The following PCDH1 variants were observed in gnomAD, a reference collection of about 807,000 sequenced individuals.
PCDH1 encodes the protein protocadherin-1.
Under a neutral mutation model 74.6 loss-of-function variants are expected in PCDH1, and 23 were observed. The observed-to-expected ratio is 0.31, with a 90% confidence interval of 0.22 to 0.44. The LOEUF is 0.44. Among genes scored for constraint, PCDH1 ranks in the 20% least tolerant of loss-of-function variants. The probability of loss-of-function intolerance (pLI) is 1.00; values close to 1 mark genes in which losing one functional copy is unlikely to be tolerated. For synonymous variants in PCDH1, 647 were observed against 686.1 expected (o/e 0.94, Z 0.89); for missense variants, 1,214 against 1,641.4 (o/e 0.74, Z 4.50).
intron 2 of PCDH1, chr5:141,867,470 C>A: frequency 2.4e-6 from 1 of 415,210 alleles, no homozygotes; most frequent in Admixed American, 3.1e-5. Flanking sequence ...TAATACTTAC[C>A]TTGTACTGTA....
At chr5:141,877,168 T>C (rs1753262718) in intron 1 of PCDH1, among the ~76,000 whole-genome samples, 1 of 151,850 alleles carries the variant, frequency 6.6e-6, no homozygotes, top group South Asian at 2.1e-4. Flanking sequence ...AGTGTGTGTG[T>C]TTGTGTGTAT....
At position 141,854,003 on chromosome 5, in the gene PCDH1, G is replaced by A. The variant is rs748500950; in HGVS notation, c.*39C>T. ...GGAATGGGCCATTTGGGAGCTGGCCGGCGGCTGGGGGAGGGGGGCCGGCCG... is the reference window on the plus strand; with the variant it reads ...GGAATGGGCCATTTGGGAGCTGGCCAGCGGCTGGGGGAGGGGGGCCGGCCG... On this transcript the variant is annotated 3_prime_UTR_variant, in exon 5 of 5. Transcript: ENST00000287008. The A allele has an allele frequency of 2.3e-5, 34 of 1,463,528 alleles. 2 individuals are homozygous for A. The South Asian group carries it at 2.6e-4, about 11-fold the overall frequency. The allele number at this position is 1,463,528 out of a possible 1,614,324, so 90.7% of individuals were successfully genotyped here.
chr5:141,854,066 C>T lies in PCDH1; in HGVS notation c.3690G>A (p.Thr1230=), dbSNP rs372214064. Residue 1230 remains threonine (T), a synonymous_variant, in exon 5 of 5, where the codon ACG becomes ACA. Transcript: ENST00000287008. The part of the protein sequence containing the change: ...PPAATPASAQ[T]AKREIYL ...CTCACAGGTAGATCTCGCGCTTGGC[C>T]GTCTGGGCAGATGCCGGTGTGGCTG... 2.0e-6 allele frequency: 3 copies of T among 1,526,944 alleles called. No homozygotes were observed. The highest frequency in any genetic ancestry group is 2.3e-5 in the East Asian group (1 of 43,962). The allele number at this position is 1,526,944 out of a possible 1,614,324, so 94.6% of individuals were successfully genotyped here.
intron 2 of PCDH1, chr5:141,866,137 A>C: frequency 1.0e-6 from 1 of 985,508 alleles, no homozygotes; most frequent in East Asian, 1.1e-4. Context: ...GTTGTGGGTC[A>C]GAGAAGCCCT....
At position 141,853,305 on chromosome 5, in the gene PCDH1, G is replaced by C. The variant is rs1194144978; in HGVS notation, c.*737C>G. Reference sequence around the variant, plus strand: ...GCAGGGAGGAGGGGGCACAGGGCAGGTCCCCCCCCAGAGGGGTCCCCCAAG... The same window carrying C: ...GCAGGGAGGAGGGGGCACAGGGCAGCTCCCCCCCCAGAGGGGTCCCCCAAG... On this transcript the variant is annotated 3_prime_UTR_variant, in exon 5 of 5. Transcript: ENST00000287008. 1 of 152,342 alleles carries C rather than the reference G, an allele frequency of 6.6e-6. No homozygotes were observed. The highest frequency in any genetic ancestry group is 2.4e-5 in the African/African-American group (1 of 41,332). 9.4% of individuals were successfully genotyped at this position (152,342 alleles called of 1,614,324 possible).
At chr5:141,855,433 G>A (rs545827147) in intron 4 of PCDH1, among the ~76,000 whole-genome samples, 1 of 152,090 alleles carries the variant, frequency 6.6e-6, no homozygotes, top group African/African-American at 2.4e-5. Context: ...AGGTGGGGTT[G>A]AGGAAACCTC....
chr5:141,864,877 G>T lies in PCDH1; in HGVS notation c.1454C>A (p.Pro485Gln), dbSNP rs752195982. The change falls in exon 3 of 5, where the codon CCA (proline) becomes CAA (glutamine). Residue 485 changes from proline (P) to glutamine (Q), a missense_variant. This residue lies in a region of PCDH1 where 836 missense variants were observed against 1,182.2 expected (regional missense o/e 0.71). Transcript: ENST00000287008. This position sits in a 1 kb window ranked among gnomAD's most constrained non-coding sequence, Gnocchi z 5.9. ...CTTGAGGGAGTTAGTGCTGGAGAGT[G>T]GGGGGTTGCCAGAGTCCACAGCCAC... ...EIVAVDSGNP[P>Q]LSSTNSLKVQ... The T allele has an allele frequency of 6.2e-7, 1 of 1,614,144 alleles. No homozygotes were observed. Among genetic ancestry groups the T allele is most frequent in the Non-Finnish European group, 8.5e-7 (1 of 1,179,996 alleles).
chr5:141,878,343 C>T lies in PCDH1; in HGVS notation c.-81G>A. The stretch of plus-strand genomic sequence containing the variant: ...GCAGTTCGGGCTCCGGCTCCGGCTC[C>T]GGCTGGCTCTGGGCGCAGCAGCCCG... On this transcript the variant is annotated 5_prime_UTR_variant, in exon 1 of 5. Transcript: ENST00000287008. This position sits in a 1 kb window ranked among gnomAD's most constrained non-coding sequence, Gnocchi z 5.5. The T allele has an allele frequency of 1.9e-6, 2 of 1,078,070 alleles. No homozygotes were observed. The highest frequency in any genetic ancestry group is 2.3e-6 in the Non-Finnish European group (2 of 863,102). 66.8% of individuals were successfully genotyped at this position (1,078,070 alleles called of 1,614,324 possible).
chr5:141,876,314 T>A (rs931574728), intron 1 of PCDH1, among the ~76,000 whole-genome samples: 1 of 151,976 alleles, frequency 6.6e-6, no homozygotes. Context: ...CCGCGGGGAA[T>A]CCCTCCTCCC....
intron 3 of PCDH1, among the ~76,000 whole-genome samples, chr5:141,859,482 A>T (rs1752485419): frequency 6.6e-6 from 1 of 152,190 alleles, no homozygotes; most frequent in Non-Finnish European, 1.5e-5. Flanking sequence ...ACACTTGCTG[A>T]TTATTTCCAG....
In PCDH1 at chr5:141,864,210, G is replaced by A. The variant is rs758651551; in HGVS notation, c.2121C>T (p.Asp707=). The part of the protein sequence containing the change: ...AYVGVTINVL[D]ENDNAPYITA... ...TGATATAGGGTGCGTTGTCATTCTC[G>A]TCCAGCACATTGATGGTGACACCAA... Residue 707 remains aspartate, a synonymous_variant, in exon 3 of 5, where the codon GAC becomes GAT. Coordinates refer to ENST00000287008, the MANE Select transcript of PCDH1 (RefSeq NM_032420.5). The surrounding 1 kb of genome is among the most constrained non-coding windows in gnomAD (Gnocchi z 5.9). The A allele has an allele frequency of 5.6e-5, 90 of 1,606,848 alleles. No individual in the cohort carries two copies. The highest frequency in any genetic ancestry group is 7.1e-5 in the Non-Finnish European group (83 of 1,174,374).
chr5:141,870,934 C>T (rs1020304415), intron 1 of PCDH1, among the ~76,000 whole-genome samples: 1 of 152,166 alleles, frequency 6.6e-6, no homozygotes, highest in Non-Finnish European at 1.5e-5. Flanking sequence ...ACATCAATCC[C>T]ACTGAGGGCA....
At position 141,865,098 on chromosome 5, in the gene PCDH1, C is replaced by T. The variant is rs758884113; in HGVS notation, c.1233G>A (p.Glu411=). The T allele has an allele frequency of 1.2e-6, 2 of 1,614,210 alleles. No homozygotes were observed. Among genetic ancestry groups the T allele is most frequent in the Non-Finnish European group, 1.7e-6 (2 of 1,180,030 alleles). Residue 411 remains glutamate, a synonymous_variant, in exon 3 of 5, where the codon GAG becomes GAA. Coordinates refer to ENST00000287008, the MANE Select transcript of PCDH1 (RefSeq NM_032420.5). The surrounding 1 kb of genome is among the most constrained non-coding windows in gnomAD (Gnocchi z 4.4). ...MANISEDVAE[E]TAVALVQVSD... is the part of the protein sequence containing the mutation. ...ACACCTGCACCAGGGCCACAGCTGT[C>T]TCCTCTGCCACATCCTCTGAGATGT...
At position 141,854,427 on chromosome 5, in the gene PCDH1, G is replaced by T; in HGVS notation, c.3329C>A (p.Pro1110His). The change falls in exon 5 of 5, where the codon CCT becomes CAT. Residue 1110 changes from proline to histidine, a missense_variant. By Grantham distance (77) the Pro-to-His change is moderately conservative. Transcript: ENST00000287008. ...EMEHPENDLR[P>H]LPDVAMTGTC... ...GCCTGTCATGGCGACATCAGGCAAA[G>T]GGCGAAGGTCTGTAGGAGGGAGCGG... 1 of 1,608,310 alleles carries T rather than the reference G, an allele frequency of 6.2e-7. No individual in the cohort carries two copies.
intron 1 of PCDH1, among the ~76,000 whole-genome samples, chr5:141,876,506 C>G (rs1753239515): frequency 6.6e-6 from 1 of 152,172 alleles, no homozygotes; most frequent in Non-Finnish European, 1.5e-5. Context: ...GTTTTTTGCC[C>G]TACGCTCAAT....
rs1172307716 is a variant in PCDH1, at chr5:141,869,237, C to T, written c.235G>A (p.Ala79Thr). The T allele has an allele frequency of 6.2e-7, 1 of 1,613,532 alleles. No homozygotes were observed. The highest frequency in any genetic ancestry group is 8.5e-7 in the Non-Finnish European group (1 of 1,179,822). Residue 79 changes from alanine (A) to threonine (T), a missense_variant, in exon 2 of 5, where the codon GCC (alanine) becomes ACC (threonine). By Grantham distance (58) the Ala-to-Thr change is moderately conservative. Transcript: ENST00000287008. The surrounding 1 kb of genome is among the most constrained non-coding windows in gnomAD (Gnocchi z 4.9). Reference sequence around the variant, plus strand: ...CCCACATCTGGAAAACCATAGTCGGCTGCGAGGCTCCCAATGAGGGTGTTG... The same window carrying T: ...CCCACATCTGGAAAACCATAGTCGGTTGCGAGGCTCCCAATGAGGGTGTTG... The part of the protein sequence containing the change: ...PPNTLIGSLA[A>T]DYGFPDVGHL...
chr5:141,856,758 G>A (rs1012308832), intron 4 of PCDH1, among the ~76,000 whole-genome samples: 3 of 151,800 alleles, frequency 2.0e-5, no homozygotes, highest in Non-Finnish European at 4.4e-5. Context: ...CCAGCATATC[G>A]TCACTCCATT....
chr5:141,876,442 C>G (rs747294027), intron 1 of PCDH1, among the ~76,000 whole-genome samples: 28 of 152,310 alleles, frequency 1.8e-4, no homozygotes, highest in Non-Finnish European at 3.1e-4. Context: ...GCCGCGAACC[C>G]GGCTAGGCGG....
At chr5:141,866,086 G>A (rs1752816814) in intron 2 of PCDH1, 2 of 985,428 alleles carry the variant, frequency 2.0e-6, no homozygotes, top group Admixed American at 6.1e-5. Flanking sequence ...CCATCTGAAG[G>A]CCCCAGGTTG....
Sources: allele counts gnomAD v4.1 joint callset (sites outside exome capture counted in the v4.1 genomes callset), GRCh38; gene constraint gnomAD v4.1.1; regional missense constraint gnomAD v4.1.1; non-coding constraint Gnocchi (gnomAD v3.1); transcripts MANE v1.5; gene names NCBI Gene and HGNC (gene_info 2026-07-23, HGNC 2026-07-21).